The following CTNNAL1 variants were observed in gnomAD, a reference collection of about 807,000 sequenced individuals.
The protein encoded by CTNNAL1 is catenin alpha like 1, also known as alpha-catulin.
CTNNAL1 carries 69 observed loss-of-function variants against 93.6 expected under a neutral mutation model. The observed-to-expected ratio is 0.74, with a 90% CI of 0.61 to 0.90. The LOEUF is 0.90. Ranked by LOEUF, CTNNAL1 falls within the 40% of genes least tolerant of loss-of-function variation. CTNNAL1 has a pLI of 0.00. For synonymous variants in CTNNAL1, 286 were observed against 305.4 expected, an observed-to-expected ratio of 0.94 and a Z score of 0.66; for missense variants, 836 against 862.0, an observed-to-expected ratio of 0.97 and a Z score of 0.38.
intron 12 of CTNNAL1, among the ~76,000 whole-genome samples, chr9:108,953,812 A>G (rs1410495763): frequency 6.8e-6 from 1 of 148,090 alleles, no homozygotes; most frequent in East Asian, 2.0e-4. Context: ...TTACACACAC[A>G]TGCACACACA....
rs1398559316 is a variant in CTNNAL1, at chr9:108,992,783, A to G, written c.368T>C (p.Leu123Ser). ...CTGCCCATCAGATTCCAGATGGTTCAAGTTGGTTATGTCTGTAAGTGCTGC... is the reference window on the plus strand; with the variant it reads ...CTGCCCATCAGATTCCAGATGGTTCGAGTTGGTTATGTCTGTAAGTGCTGC... ...TIAALTDITNLNHLESDGQIT... is the reference protein window; with the variant it reads ...TIAALTDITNSNHLESDGQIT... Residue 123 changes from leucine to serine, a missense_variant, in exon 3 of 19, where the codon TTG (leucine) becomes TCG (serine). Coordinates refer to ENST00000325551, the MANE Select transcript of CTNNAL1 (RefSeq NM_003798.4). 6.2e-7 allele frequency: 1 copy of G among 1,613,502 alleles called. No individual in the cohort carries two copies. The highest frequency in any genetic ancestry group is 8.5e-7 in the Non-Finnish European group (1 of 1,179,830).
At chr9:108,960,593 A>G (rs1379544728) in intron 11 of CTNNAL1, among the ~76,000 whole-genome samples, 2 of 152,226 alleles carry the variant, frequency 1.3e-5, no homozygotes, top group Admixed American at 1.3e-4. Flanking sequence ...ACTGCCCTAC[A>G]TAGTTTAGTT....
intron 9 of CTNNAL1, among the ~76,000 whole-genome samples, chr9:108,971,239 G>A (rs1831108332): frequency 6.6e-6 from 1 of 152,086 alleles, no homozygotes; most frequent in Non-Finnish European, 1.5e-5. Context: ...TTAGTCTAAA[G>A]GTTCCTTCTA....
At chr9:108,982,899 G>A (rs1046553150) in intron 6 of CTNNAL1, among the ~76,000 whole-genome samples, 2 of 152,052 alleles carry the variant, frequency 1.3e-5, no homozygotes, top group Admixed American at 1.3e-4. Flanking sequence ...CCAACATGGT[G>A]AAACCCCGTC....
chr9:108,968,642 A>C (rs1174666366), intron 10 of CTNNAL1, among the ~76,000 whole-genome samples: 1 of 152,192 alleles, frequency 6.6e-6, no homozygotes, highest in East Asian at 1.9e-4. Context: ...GCAGATAATC[A>C]TTGTGGAGGT....
chr9:108,949,416 T>A (rs1376017062), intron 14 of CTNNAL1, among the ~76,000 whole-genome samples: 4 of 152,194 alleles, frequency 2.6e-5, no homozygotes, highest in Admixed American at 2.6e-4. Context: ...TAATCTTTTT[T>A]TAAAAAGTTG....
intron 1 of CTNNAL1, among the ~76,000 whole-genome samples, chr9:109,001,006 CAAAA>C (rs72260036): frequency 7.9e-6 from 1 of 127,026 alleles, no homozygotes. Flanking sequence ...ACTAAAAATA[CAAAA>C]AAAAAAAAAA....
At chr9:109,012,807 G>A (rs750393660) in intron 1 of CTNNAL1, among the ~76,000 whole-genome samples, 2 of 152,168 alleles carry the variant, frequency 1.3e-5, no homozygotes, top group Non-Finnish European at 2.9e-5. Context: ...GGGAGCGCAC[G>A]CTGGGCGGGG....
intron 17 of CTNNAL1, 56 bp downstream of exon 17, chr9:108,943,647 G>C (rs1830311621): frequency 7.0e-7 from 1 of 1,429,008 alleles, no homozygotes; most frequent in African/African-American, 1.4e-5. Context: ...TGAAGAAAAA[G>C]GGGCTTTAAC....
In CTNNAL1 at chr9:108,983,129, C is replaced by A; in HGVS notation, c.900+16G>T. 2 of 1,409,278 alleles carry A rather than the reference C, an allele frequency of 1.4e-6. No homozygotes were observed. Among genetic ancestry groups the A allele is most frequent in the African/African-American group, 1.5e-5 (1 of 67,124 alleles). 87.3% of individuals were successfully genotyped at this position (1,409,278 alleles called of 1,614,324 possible). ...ATAAGAAGAGAAAAATAAAAATATACTCTCTTTATTCTTACCTTGAATTCC... is the reference window on the plus strand; with the variant it reads ...ATAAGAAGAGAAAAATAAAAATATAATCTCTTTATTCTTACCTTGAATTCC... On this transcript the variant is annotated intron_variant, in intron 6 of 18. Transcript: ENST00000325551.
rs116781162 is a variant in CTNNAL1, at chr9:108,999,189, C to G, written c.209G>C (p.Arg70Pro). The G allele has an allele frequency of 1.3e-5, 21 of 1,613,116 alleles. No individual in the cohort carries two copies. The highest frequency in any genetic ancestry group is 1.7e-5 in the Non-Finnish European group (20 of 1,179,660). ...TGCCAAGTTGACAGCTTGTCCTACA[C>G]GCTGAATTGCTTGCAGAGTTTTATC... Reference protein sequence around the residue: ...KSDKTLQAIQRVGQAVNLAVG... With the variant: ...KSDKTLQAIQPVGQAVNLAVG... The change falls in exon 2 of 19, where the codon CGT (arginine) becomes CCT (proline). Residue 70 changes from arginine to proline, a missense_variant. Transcript: ENST00000325551.
chr9:109,012,866 T>C (rs1827250153), intron 1 of CTNNAL1, among the ~76,000 whole-genome samples: 1 of 152,146 alleles, frequency 6.6e-6, no homozygotes, highest in Non-Finnish European at 1.5e-5. Context: ...GGGACCAGGC[T>C]GCGAACTGGT....
chr9:108,999,759 T>C (rs912303058), intron 1 of CTNNAL1, among the ~76,000 whole-genome samples: 3 of 152,222 alleles, frequency 2.0e-5, no homozygotes, highest in African/African-American at 7.2e-5. Context: ...GAATGAGCAT[T>C]GTAATCTATA....
At chr9:108,945,602 C>T (rs1298698456) in intron 15 of CTNNAL1, among the ~76,000 whole-genome samples, 1 of 149,914 alleles carries the variant, frequency 6.7e-6, no homozygotes, top group East Asian at 2.0e-4. Context: ...GCTAGGATTA[C>T]AGGTGTGTGC....
chr9:108,952,832 C>T (rs1830601499), intron 12 of CTNNAL1, among the ~76,000 whole-genome samples: 1 of 152,150 alleles, frequency 6.6e-6, no homozygotes, highest in South Asian at 2.1e-4. Context: ...ATTATGTCCC[C>T]CAAACCTCCC....
At position 108,944,146 on chromosome 9, in the gene CTNNAL1, A is replaced by G. The variant is rs370590575; in HGVS notation, c.1885-128T>C. 9.1e-6 allele frequency: 8 copies of G among 882,902 alleles called. No homozygotes were observed. In the African/African-American group the frequency reaches 1.4e-4, roughly 15 times the overall value. The allele number at this position is 882,902 out of a possible 1,614,324, so 54.7% of individuals were successfully genotyped here. A position where few individuals can be genotyped will look rare whatever the true frequency, so the allele number is the denominator to read the frequency against. ...CCTAGATATAAAAAGTCTGTCAGGA[A>G]CTCCTAAACTTTTTCCAGTACCAGG... On this transcript the variant is annotated intron_variant, in intron 15 of 18. Transcript: ENST00000325551.
At chr9:108,944,739 G>A (rs905257553) in intron 15 of CTNNAL1, among the ~76,000 whole-genome samples, 1 of 152,062 alleles carries the variant, frequency 6.6e-6, no homozygotes, top group Admixed American at 6.6e-5. Flanking sequence ...GGAGAGAACA[G>A]GGAAAATCTG....
rs10979633 is a variant in CTNNAL1, at chr9:108,971,002, C to T, written c.1348-508G>A. On this transcript the variant is annotated intron_variant, in intron 9 of 18. Transcript: ENST00000325551. ...CAGAGGAAATTACTGAAAATCTTGA[C>T]GCTTAAAACAGAAAATCAGAGAACA... Among the ~76,000 whole-genome samples, 709 of 151,932 alleles carry T rather than the reference C, an allele frequency of 4.7e-3. 10 individuals carry two copies. The East Asian group carries it at 0.08, about 17-fold the overall frequency.
chr9:108,955,025 C>T (rs1276424974), intron 12 of CTNNAL1, among the ~76,000 whole-genome samples: 2 of 151,608 alleles, frequency 1.3e-5, no homozygotes, highest in Admixed American at 6.6e-5. Flanking sequence ...TGCAGTGGCA[C>T]GATCTTGGCT....
Sources: gnomAD v4.1 joint callset for allele counts (sites outside exome capture counted in the v4.1 genomes callset) on GRCh38, gnomAD v4.1.1 for gene constraint, MANE v1.5 for transcripts, NCBI Gene and HGNC (gene_info 2026-07-23, HGNC 2026-07-21) for gene names.